DNHD1: variants seen among roughly 807,000 people sequenced by gnomAD.
The protein encoded by DNHD1 is dynein heavy chain domain 1, also known as dynein heavy chain domain-containing protein 1.
A neutral mutation model predicts 458.1 loss-of-function variants in DNHD1; 383 were observed. The observed-to-expected ratio is 0.84, with a 90% CI of 0.77 to 0.91. The LOEUF is 0.91. DNHD1 is among the 40% of genes least tolerant of loss of function. The pLI is 0.00. For missense variants in DNHD1, 5,336 were observed against 5,866.1 expected (o/e 0.91, Z 2.95); for synonymous variants, 2,203 against 2,376.9 (o/e 0.93, Z 2.13).
chr11:6,563,210 G>A, intron 29 of DNHD1, 79 bp downstream of exon 29: 1 of 1,541,022 alleles, frequency 6.5e-7, no homozygotes, highest in Non-Finnish European at 8.8e-7. Context: ...CAAGAGGAGA[G>A]GATGGAGTGA....
At chr11:6,569,899 G>C in intron 39 of DNHD1, 110 bp from the exon 40 acceptor site, 1 of 824,286 alleles carries the variant, frequency 1.2e-6, no homozygotes, top group Non-Finnish European at 1.9e-6. Flanking sequence ...GAGGTGCCAA[G>C]TGGCAATGAA....
In DNHD1 at chr11:6,562,934, C is replaced by T. The variant is rs116560916; in HGVS notation, c.9520-48C>T. 1,368 of 1,532,892 alleles carry T rather than the reference C, an allele frequency of 8.9e-4. 12 individuals carry two copies. The African/African-American group carries it at 0.016, about 18-fold the overall frequency. The allele number at this position is 1,532,892 out of a possible 1,614,324, so 95.0% of individuals were successfully genotyped here. ...GATCATAGGGTCTTCTGGGGTTTCC[C>T]GCGTGGCCCAAGATCTGGAGCTGCA... On this transcript the variant is annotated intron_variant, in intron 28 of 42. Transcript: ENST00000254579.
At position 6,545,893 on chromosome 11, in the gene DNHD1, G is replaced by A. The variant is rs938640710; in HGVS notation, c.4954G>A (p.Glu1652Lys). 5 of 1,551,654 alleles carry A rather than the reference G, an allele frequency of 3.2e-6. No individual in the cohort carries two copies. The highest frequency in any genetic ancestry group is 2.4e-5 in the South Asian group (2 of 84,070). Residue 1652 changes from glutamate to lysine, a missense_variant, in exon 21 of 43, where the codon GAG becomes AAG. By Grantham distance (56) the Glu-to-Lys change is moderately conservative. Transcript: ENST00000254579. The surrounding 1 kb of genome is among the most constrained non-coding windows in gnomAD (Gnocchi z 4.9). ...AGGCAGGTCCTTCCTGTACAATTAC[G>A]AGTATCTGGGACCTAGACTAGGGCC... ...VLGRSFLYNY[E>K]YLGPRLGPLP...
At chr11:6,543,805 C>T (rs938706347) in intron 18 of DNHD1, among the ~76,000 whole-genome samples, 8 of 151,678 alleles carry the variant, frequency 5.3e-5, no homozygotes, top group Admixed American at 5.3e-4. Context: ...ACTAAACATA[C>T]AAAAAATTAG....
chr11:6,563,106 C>T lies in DNHD1; in HGVS notation c.9644C>T (p.Ala3215Val). 1 of 1,551,672 alleles carries T rather than the reference C, an allele frequency of 6.4e-7. No individual in the cohort carries two copies. The highest frequency in any genetic ancestry group is 8.7e-7 in the Non-Finnish European group (1 of 1,146,990). ...GCCAGGCAACGGGATGCCCTGCAAG[C>T]TCAGCGAGAGGCTTTCCTGGAGCAG... ...NLARQRDALQ[A>V]QREAFLEQMS... Residue 3215 changes from alanine (A) to valine (V), a missense_variant, in exon 29 of 43, where the codon GCT becomes GTT. By Grantham distance (64) the Ala-to-Val change is moderately conservative. Coordinates refer to ENST00000254579, the MANE Select transcript of DNHD1 (RefSeq NM_144666.3).
At chr11:6,516,293 CTTT>C (rs368832969) in intron 7 of DNHD1, among the ~76,000 whole-genome samples, 3 of 133,392 alleles carry the variant, frequency 2.2e-5, no homozygotes, top group African/African-American at 2.9e-5. Context: ...ACTCTAATCA[CTTT>C]TTTTTTTTTT....
At position 6,545,485 on chromosome 11, in the gene DNHD1, G is replaced by A. The variant is rs1041861804; in HGVS notation, c.4546G>A (p.Glu1516Lys). The change falls in exon 21 of 43, where the codon GAG becomes AAG. Residue 1516 changes from glutamate to lysine, a missense_variant. Glu to Lys is a moderately conservative substitution (Grantham distance 56). This residue lies in a region of DNHD1 where 3,932 missense variants were observed against 4,365.6 expected (regional missense o/e 0.90). Transcript: ENST00000254579. The surrounding 1 kb of genome is among the most constrained non-coding windows in gnomAD (Gnocchi z 4.9). ...FPWQCVLVAE[E>K]VVWRAEMEEA... ...ATGGCAGTGTGTGCTGGTGGCAGAG[G>A]AGGTGGTATGGCGGGCCGAGATGGA... The A allele has an allele frequency of 9.0e-6, 14 of 1,551,738 alleles. No individual in the cohort carries two copies. The highest frequency in any genetic ancestry group is 8.7e-6 in the Non-Finnish European group (10 of 1,147,024).
chr11:6,528,407 G>GTGTT, intron 10 of DNHD1, 115 bp from the exon 11 acceptor site: 1 of 630,550 alleles, frequency 1.6e-6, no homozygotes, highest in Non-Finnish European at 2.3e-6. Context: ...GCGAATGGGT[G>GTGTT]TGTGTGTGTG....
At chr11:6,520,833 C>T in intron 10 of DNHD1, 1 of 988,800 alleles carries the variant, frequency 1.0e-6, no homozygotes, top group Non-Finnish European at 1.2e-6. Flanking sequence ...GATACTAATG[C>T]TGTCACAAAT....
chr11:6,498,919 C>T lies in DNHD1; in HGVS notation c.704C>T (p.Thr235Ile). 2 of 1,613,298 alleles carry T rather than the reference C, an allele frequency of 1.2e-6. No individual in the cohort carries two copies. The highest frequency in any genetic ancestry group is 1.7e-6 in the Non-Finnish European group (2 of 1,179,554). The change falls in exon 3 of 43, where the codon ACT (threonine) becomes ATT (isoleucine). Residue 235 changes from threonine (T) to isoleucine (I), a missense_variant. Physicochemically the swap from Thr to Ile is moderately conservative, Grantham distance 89. Transcript: ENST00000254579. ...CCTGTACGGTATGAAAGCAGTGACACTGACAATGCAGAGGTGGAGCCTGTT... is the reference window on the plus strand; with the variant it reads ...CCTGTACGGTATGAAAGCAGTGACATTGACAATGCAGAGGTGGAGCCTGTT... ...DIPVRYESSDTDNAEVEPVGR... is the reference protein window; with the variant it reads ...DIPVRYESSDIDNAEVEPVGR...
In DNHD1 at chr11:6,498,917, C is replaced by T; in HGVS notation, c.702C>T (p.Asp234=). ...ADIPVRYESS[D]TDNAEVEPVG... ...TCCCTGTACGGTATGAAAGCAGTGACACTGACAATGCAGAGGTGGAGCCTG... is the reference window on the plus strand; with the variant it reads ...TCCCTGTACGGTATGAAAGCAGTGATACTGACAATGCAGAGGTGGAGCCTG... Residue 234 remains aspartate, a synonymous_variant, in exon 3 of 43, where the codon GAC becomes GAT. Transcript: ENST00000254579. 1 of 1,613,370 alleles carries T rather than the reference C, an allele frequency of 6.2e-7. No individual in the cohort carries two copies.
rs987075120 is a variant in DNHD1 at position 6,502,944 on chromosome 11, G to A, written c.920+18G>A. 17 of 1,608,498 alleles carry A rather than the reference G, an allele frequency of 1.1e-5. No homozygotes were observed. In the Admixed American group the frequency reaches 2.4e-4, roughly 23 times the overall value. The stretch of plus-strand genomic sequence containing the variant: ...TACTTTAGGTGATAGCCTATGTCCA[G>A]GCCCCTTCTCCTCCCCCTGCCTGGT... On this transcript the variant is annotated intron_variant, in intron 4 of 42. Transcript: ENST00000254579.
chr11:6,558,206 A>C lies in DNHD1; in HGVS notation c.8911A>C (p.Thr2971Pro), dbSNP rs1192014297. The change falls in exon 25 of 43, where the codon ACA (threonine) becomes CCA (proline). Residue 2971 changes from threonine to proline, a missense_variant. Around this residue, in one of 4 missense-constraint regions of DNHD1, gnomAD observed 3,932 missense variants for 4,365.6 expected, o/e 0.90. Transcript: ENST00000254579. Reference sequence around the variant, plus strand: ...CTCAGGCAGTTTCCCTGGCCAGTACACAGAAGCAGATTTGGACCGCATTGG... The same window carrying C: ...CTCAGGCAGTTTCCCTGGCCAGTACCCAGAAGCAGATTTGGACCGCATTGG... Reference protein sequence around the residue: ...ATSGSFPGQYTEADLDRIGEH... With the variant: ...ATSGSFPGQYPEADLDRIGEH... The C allele has an allele frequency of 6.4e-7, 1 of 1,551,678 alleles. No individual in the cohort carries two copies. The highest frequency in any genetic ancestry group is 8.7e-7 in the Non-Finnish European group (1 of 1,146,986).
rs944863302 is a variant in DNHD1, at chr11:6,548,164, G to C, written c.6906-46G>C. On this transcript the variant is annotated intron_variant, in intron 22 of 42. Transcript: ENST00000254579. The surrounding 1 kb of genome is among the most constrained non-coding windows in gnomAD (Gnocchi z 4.4). ...GTGTGTGAGTGTGTCATAAATGGAA[G>C]TGTTGTAACTGTCTGACGCTTTTGC... 1 of 1,547,122 alleles carries C rather than the reference G, an allele frequency of 6.5e-7. No individual in the cohort carries two copies. Among genetic ancestry groups the C allele is most frequent in the Admixed American group, 2.0e-5 (1 of 50,920 alleles).
At chr11:6,559,130 G>A (rs948766715) in intron 27 of DNHD1, 24 bp downstream of exon 27, 13 of 1,551,668 alleles carry the variant, frequency 8.4e-6, no homozygotes, top group Non-Finnish European at 1.1e-5. Context: ...CCCCTGCAGT[G>A]TACCTCCTTC....
At position 6,546,640 on chromosome 11, in the gene DNHD1, C is replaced by A; in HGVS notation, c.5701C>A (p.Arg1901Ser). ...GGAGGAACCGAAGTGCCAGAAGCCT[C>A]GCAGCCTAGCTGCCATTGAGGAGGC... ...TKEEPKCQKP[R>S]SLAAIEEAAL... Residue 1901 changes from arginine to serine, a missense_variant, in exon 21 of 43, where the codon CGC becomes AGC. By Grantham distance (110) the Arg-to-Ser change is moderately radical. Transcript: ENST00000254579. 1 of 1,551,078 alleles carries A rather than the reference C, an allele frequency of 6.4e-7. No homozygotes were observed.
In DNHD1 at chr11:6,563,135, G is replaced by A. The variant is rs1220522650; in HGVS notation, c.9669+4G>A. ...GCGAGAGGCTTTCCTGGAGCAGGTG[G>A]GCTCTTCCTGCCGCCTGCCCTGCAC... On this transcript the variant is annotated splice_donor_region_variant and intron_variant, in intron 29 of 42. Transcript: ENST00000254579. 6.4e-7 allele frequency: 1 copy of A among 1,551,476 alleles called. No homozygotes were observed. The highest frequency in any genetic ancestry group is 1.4e-5 in the African/African-American group (1 of 73,004).
Position 6,545,767 on chromosome 11 carries a change from G to A in DNHD1, c.4828G>A (p.Gly1610Ser). 6.4e-7 allele frequency: 1 copy of A among 1,551,656 alleles called. No individual in the cohort carries two copies. The highest frequency in any genetic ancestry group is 8.7e-7 in the Non-Finnish European group (1 of 1,146,970). The stretch of plus-strand genomic sequence containing the variant: ...GGTCCGCCAACTCAAGTATCACTTG[G>A]GTTCACCTCACATAATCCCCAAAAG... ...HWVRQLKYHL[G>S]SPHIIPKSPL... Residue 1610 changes from glycine to serine, a missense_variant, in exon 21 of 43, where the codon GGT becomes AGT. Gly to Ser is a moderately conservative substitution (Grantham distance 56, BLOSUM62 0). This residue lies in a region of DNHD1 where 3,932 missense variants were observed against 4,365.6 expected (regional missense o/e 0.90). Coordinates refer to ENST00000254579, the MANE Select transcript of DNHD1 (RefSeq NM_144666.3). The surrounding 1 kb of genome is among the most constrained non-coding windows in gnomAD (Gnocchi z 4.9).
In DNHD1 at chr11:6,571,651, A is replaced by C; in HGVS notation, c.13927A>C (p.Asn4643His). 6.3e-7 allele frequency: 1 copy of C among 1,592,456 alleles called. No homozygotes were observed. The highest frequency in any genetic ancestry group is 8.6e-7 in the Non-Finnish European group (1 of 1,167,906). The change falls in exon 43 of 43, where the codon AAT becomes CAT. Residue 4643 changes from asparagine (N) to histidine (H), a missense_variant. Asn to His is a moderately conservative substitution (Grantham distance 68, BLOSUM62 1). Transcript: ENST00000254579. This position sits in a 1 kb window ranked among gnomAD's most constrained non-coding sequence, Gnocchi z 5.0. Reference sequence around the variant, plus strand: ...ACGCCCCCAGGTGGAGAATGGTCCAAATCCCACGGTTCCAGAGAGAGGGCT... The same window carrying C: ...ACGCCCCCAGGTGGAGAATGGTCCACATCCCACGGTTCCAGAGAGAGGGCT... ...PLHFRVENGP[N>H]PTVPERGLLL... is the part of the protein sequence containing the mutation.
Sources: allele counts gnomAD v4.1 joint callset (sites outside exome capture counted in the v4.1 genomes callset), GRCh38; gene constraint gnomAD v4.1.1; regional missense constraint gnomAD v4.1.1; non-coding constraint Gnocchi (gnomAD v3.1); transcripts MANE v1.5; gene names NCBI Gene and HGNC (gene_info 2026-07-23, HGNC 2026-07-21).